ZNF423: variants seen among roughly 807,000 people sequenced by gnomAD.
The protein encoded by ZNF423 is zinc finger protein 423, also known as Ebf-associated zinc finger protein.
In ZNF423, 12 loss-of-function variants were observed where a neutral mutation model predicts 95.8. The ratio of observed to expected loss-of-function variants is 0.13; its 90% confidence interval spans 0.08 to 0.20. The LOEUF (loss-of-function observed/expected upper bound fraction) is 0.20, where lower values mean the gene tolerates loss of function less well. Ranked by LOEUF, ZNF423 falls within the 10% of genes least tolerant of loss-of-function variation. The pLI is 1.00. For missense variants in ZNF423, 1,316 were observed against 1,737.1 expected (o/e 0.76, Z 4.31); for synonymous variants, 749 against 711.9 (o/e 1.05, Z -0.83).
intron 1 of ZNF423, among the ~76,000 whole-genome samples, chr16:49,844,071 A>G (rs1386366520): frequency 6.6e-6 from 1 of 151,820 alleles, no homozygotes; most frequent in Non-Finnish European, 1.5e-5. Flanking sequence ...AGGTGGGAGA[A>G]TCGTTTGAGA....
At chr16:49,787,683 G>C (rs1289674354) in intron 2 of ZNF423, among the ~76,000 whole-genome samples, 1 of 152,158 alleles carries the variant, frequency 6.6e-6, no homozygotes, top group Non-Finnish European at 1.5e-5. Context: ...AGGGGATGCA[G>C]CTGGGGTGCT....
intron 1 of ZNF423, among the ~76,000 whole-genome samples, chr16:49,851,614 A>C (rs1265647873): frequency 1.3e-5 from 2 of 152,206 alleles, no homozygotes. Flanking sequence ...AGCATGCCAC[A>C]ACATTGCCAG....
At chr16:49,779,211 T>A (rs1223110928) in intron 2 of ZNF423, among the ~76,000 whole-genome samples, 1 of 151,218 alleles carries the variant, frequency 6.6e-6, no homozygotes, top group Non-Finnish European at 1.5e-5. Context: ...CCCCTAGGAG[T>A]GAGCAGAGCA....
chr16:49,495,506 C>A (rs936762050), intron 7 of ZNF423, among the ~76,000 whole-genome samples: 2 of 152,228 alleles, frequency 1.3e-5, no homozygotes, highest in African/African-American at 2.4e-5. Context: ...AGAAGCCCAG[C>A]ATTCATTTCA....
At chr16:49,509,881 C>T (rs146365597) in intron 7 of ZNF423, among the ~76,000 whole-genome samples, 70 of 152,318 alleles carry the variant, frequency 4.6e-4, no homozygotes, top group African/African-American at 1.5e-3. Context: ...ACCTGTGAAA[C>T]GGGGATAACA....
chr16:49,498,624 C>A (rs1752057603), intron 7 of ZNF423, among the ~76,000 whole-genome samples: 1 of 152,186 alleles, frequency 6.6e-6, no homozygotes, highest in South Asian at 2.1e-4. Context: ...TCAGCAGGGC[C>A]TTCTCGCCCA....
intron 5 of ZNF423, among the ~76,000 whole-genome samples, chr16:49,530,614 G>A (rs182146034): frequency 1.3e-5 from 2 of 152,270 alleles, no homozygotes; most frequent in Admixed American, 6.5e-5. Context: ...GCGGTAGGGT[G>A]GGAGTGCTGG....
intron 5 of ZNF423, among the ~76,000 whole-genome samples, chr16:49,547,673 A>G (rs1355526974): frequency 6.6e-6 from 1 of 152,204 alleles, no homozygotes; most frequent in Non-Finnish European, 1.5e-5. Context: ...CGCTCCTTCC[A>G]GCACTCCACC....
At chr16:49,784,704 C>T (rs11640615) in intron 2 of ZNF423, among the ~76,000 whole-genome samples, 1 of 152,016 alleles carries the variant, frequency 6.6e-6, no homozygotes, top group African/African-American at 2.4e-5. Context: ...AATCCCAGTA[C>T]TTTGGGAGGC....
At chr16:49,495,561 T>C (rs1469080272) in intron 7 of ZNF423, among the ~76,000 whole-genome samples, 5 of 152,230 alleles carry the variant, frequency 3.3e-5, no homozygotes, top group Non-Finnish European at 5.9e-5. Context: ...TGAGCCACTA[T>C]GCTTGTTGCT....
intron 3 of ZNF423, among the ~76,000 whole-genome samples, chr16:49,679,756 C>G (rs2031272727): frequency 1.3e-5 from 2 of 152,246 alleles, no homozygotes; most frequent in South Asian, 4.1e-4. Flanking sequence ...CCCAGTGAAG[C>G]CCCACGTTCT....
chr16:49,593,960 A>C (rs2151820865), intron 5 of ZNF423, among the ~76,000 whole-genome samples: 1 of 152,264 alleles, frequency 6.6e-6, no homozygotes, highest in African/African-American at 2.4e-5. Flanking sequence ...CCCCAGAGGC[A>C]GCTTCCTGTC....
intron 2 of ZNF423, among the ~76,000 whole-genome samples, chr16:49,788,972 T>G (rs535793183): frequency 6.6e-6 from 1 of 152,180 alleles, no homozygotes; most frequent in Non-Finnish European, 1.5e-5. Context: ...AAAGAGCTTA[T>G]GCGGGGATCC....
intron 3 of ZNF423, among the ~76,000 whole-genome samples, chr16:49,662,228 A>G (rs1038770986): frequency 1.3e-5 from 2 of 152,168 alleles, no homozygotes; most frequent in African/African-American, 4.8e-5. Flanking sequence ...CACCCCAAAA[A>G]GTCCTTAAAT....
chr16:49,711,202 C>A (rs534201710), intron 3 of ZNF423: 1 of 152,282 alleles, frequency 6.6e-6, no homozygotes, highest in East Asian at 1.9e-4. Flanking sequence ...CTGGGCCCAA[C>A]GATGCCCCTT....
At position 49,601,134 on chromosome 16, in the gene ZNF423, C is replaced by T. The variant is rs527533904; in HGVS notation, c.3601+25036G>A. Among the ~76,000 whole-genome samples the T allele has an allele frequency of 2.0e-5, 3 of 152,276 alleles. 1 individual carries two copies. The South Asian group carries it at 6.2e-4, about 32-fold the overall frequency. ...TTCGGAAGGGCCCATGTGCTGACGA[C>T]GGACTAAAAGGGTCTCCTAGAGAAC... is the stretch of plus-strand genomic sequence containing the variant. On this transcript the variant is annotated intron_variant, in intron 5 of 7. Transcript: ENST00000563137.
intron 7 of ZNF423, among the ~76,000 whole-genome samples, chr16:49,503,488 G>GC (rs1967514607): frequency 6.6e-6 from 1 of 152,050 alleles, no homozygotes. Context: ...CAGCCCGGAA[G>GC]CCCCTCCCCC....
In ZNF423 at chr16:49,635,003, C is replaced by T. The variant is rs1231326893; in HGVS notation, c.3516+657G>A. ...TGATGAACAGGGAAAATTTGATGAA[C>T]GAATCAATCAGTCATTAACAATAAC... On this transcript the variant is annotated intron_variant, in intron 4 of 7. Transcript: ENST00000563137. The surrounding 1 kb of genome is among the most constrained non-coding windows in gnomAD (Gnocchi z 4.8). Among the ~76,000 whole-genome samples, 1 of 152,200 alleles carries T rather than the reference C, an allele frequency of 6.6e-6. No homozygotes were observed. The highest frequency in any genetic ancestry group is 1.5e-5 in the Non-Finnish European group (1 of 68,026).
chr16:49,645,583 A>G (rs1973139775), intron 3 of ZNF423, among the ~76,000 whole-genome samples: 1 of 152,198 alleles, frequency 6.6e-6, no homozygotes, highest in Non-Finnish European at 1.5e-5. Context: ...GGAGCTGTCC[A>G]TTCTCTTTGA....
Sources: allele counts gnomAD v4.1 joint callset (sites outside exome capture counted in the v4.1 genomes callset), GRCh38; gene constraint gnomAD v4.1.1; non-coding constraint Gnocchi (gnomAD v3.1); transcripts MANE v1.5; gene names NCBI Gene and HGNC (gene_info 2026-07-23, HGNC 2026-07-21).